The following HIVEP1 variants were observed in gnomAD, a reference collection of about 807,000 sequenced individuals.
HIVEP1 encodes the protein zinc finger protein 40.
A neutral mutation model predicts 180.0 loss-of-function variants in HIVEP1; 36 were observed. The ratio of observed to expected loss-of-function variants is 0.20; its 90% CI spans 0.15 to 0.26. HIVEP1 has a LOEUF of 0.26. Among genes scored for constraint, HIVEP1 ranks in the 10% least tolerant of loss-of-function variants. The probability of loss-of-function intolerance (pLI) is 1.00; values close to 1 mark genes in which losing one functional copy is unlikely to be tolerated. For missense variants in HIVEP1, 3,143 were observed against 3,268.7 expected (o/e 0.96, Z 0.94); for synonymous variants, 1,239 against 1,239.0 (o/e 1.00, Z 0.00).
chr6:12,187,592 TC>T, the HIVEP1 span, among the ~76,000 whole-genome samples: 2 of 110,658 alleles, frequency 1.8e-5, no homozygotes, highest in Non-Finnish European at 3.5e-5. Context: ...GCCAAATAAA[TC>T]TTTTTTTTTT....
the HIVEP1 span, among the ~76,000 whole-genome samples, chr6:12,184,469 T>C: frequency 6.6e-6 from 1 of 152,230 alleles, no homozygotes; most frequent in Non-Finnish European, 1.5e-5. Context: ...AAAAATGGTA[T>C]ATTTTGATCT....
Position 12,123,640 on chromosome 6 carries a change from A to G in HIVEP1, c.3845A>G (p.Lys1282Arg). The change falls in exon 4 of 9, where the codon AAA (lysine) becomes AGA (arginine). Residue 1282 changes from lysine to arginine, a missense_variant. By Grantham distance (26) the Lys-to-Arg change is conservative. Around this residue, in one of 12 missense-constraint regions of HIVEP1, gnomAD observed 1,357 missense variants for 1,260.5 expected, o/e 1.08. Transcript: ENST00000379388. ...ACAGAGAAACTGCCACCCAAAAAGAAAAGGCTCCGTCTGGCTGAGATAGAA... is the reference window on the plus strand; with the variant it reads ...ACAGAGAAACTGCCACCCAAAAAGAGAAGGCTCCGTCTGGCTGAGATAGAA... The part of the protein sequence containing the change: ...LPTEKLPPKK[K>R]RLRLAEIEHS... 1 of 1,614,126 alleles carries G rather than the reference A, an allele frequency of 6.2e-7. No homozygotes were observed. The highest frequency in any genetic ancestry group is 8.5e-7 in the Non-Finnish European group (1 of 1,180,036).
chr6:12,024,800 C>G (rs940778070), intron 2 of HIVEP1, among the ~76,000 whole-genome samples: 6 of 152,146 alleles, frequency 3.9e-5, no homozygotes, highest in African/African-American at 1.4e-4. Flanking sequence ...CAGGAGTGAA[C>G]CAAGGCTCTC....
At chr6:12,197,926 G>C in the HIVEP1 span, among the ~76,000 whole-genome samples, 1 of 152,336 alleles carries the variant, frequency 6.6e-6, no homozygotes, top group East Asian at 1.9e-4. Context: ...TAGAAATTTA[G>C]ATTTGGGGGT....
At chr6:12,066,901 C>A (rs546697055) in intron 2 of HIVEP1, among the ~76,000 whole-genome samples, 1 of 151,866 alleles carries the variant, frequency 6.6e-6, no homozygotes, top group African/African-American at 2.4e-5. Context: ...TATACACACA[C>A]ATACACTTTA....
chr6:12,164,120 G>T lies in HIVEP1; in HGVS notation c.7816G>T (p.Val2606Phe), dbSNP rs781226203. 1.9e-6 allele frequency: 3 copies of T among 1,614,152 alleles called. No homozygotes were observed. The South Asian group carries it at 3.3e-5, about 18-fold the overall frequency. ...CGAGTCTCCTCAGGGGTTACCTACA[G>T]TCCAGCGGGAAAATGCAAAAAAAGT... Reference protein sequence around the residue: ...RTESPQGLPTVQRENAKKVLN... With the variant: ...RTESPQGLPTFQRENAKKVLN... The change falls in exon 9 of 9, where the codon GTC becomes TTC. Residue 2606 changes from valine (V) to phenylalanine (F), a missense_variant. Physicochemically the swap from Val to Phe is conservative, Grantham distance 50. Coordinates refer to ENST00000379388, the MANE Select transcript of HIVEP1 (RefSeq NM_002114.4).
chr6:12,019,202 G>A (rs765318280), intron 2 of HIVEP1, among the ~76,000 whole-genome samples: 11 of 152,156 alleles, frequency 7.2e-5, no homozygotes, highest in Non-Finnish European at 1.5e-4. Flanking sequence ...ACTCAGCAGC[G>A]GGGGACGGGA....
At chr6:12,175,504 A>G in the HIVEP1 span, among the ~76,000 whole-genome samples, 1 of 152,382 alleles carries the variant, frequency 6.6e-6, no homozygotes, top group Non-Finnish European at 1.5e-5. Context: ...ATGCTTTCCA[A>G]TAGAACAGAT....
chr6:12,081,477 T>TAGCAGA (rs1242114857), intron 2 of HIVEP1, among the ~76,000 whole-genome samples: 3 of 152,154 alleles, frequency 2.0e-5, no homozygotes, highest in Non-Finnish European at 4.4e-5. Context: ...TCCTTTCCAC[T>TAGCAGA]AGCAGACTTT....
At chr6:12,141,691 CAAAAAAAAAAAA>C (rs60419579) in intron 7 of HIVEP1, among the ~76,000 whole-genome samples, 1,087 of 19,302 alleles carry the variant, frequency 0.056, 31 homozygotes, top group African/African-American at 0.093. Flanking sequence ...AAATGGAAAG[CAAAAAAAAAAAA>C]AAAAAAAAAA....
chr6:12,051,797 T>G (rs1770560848), intron 2 of HIVEP1, among the ~76,000 whole-genome samples: 1 of 152,214 alleles, frequency 6.6e-6, no homozygotes, highest in Non-Finnish European at 1.5e-5. Flanking sequence ...AAACGCTTAT[T>G]CACTGTGCTT....
chr6:12,011,294 TC>T (rs1767280944), upstream of HIVEP1, among the ~76,000 whole-genome samples: 4 of 89,964 alleles, frequency 4.4e-5, no homozygotes, highest in Non-Finnish European at 6.3e-5. Flanking sequence ...CGCCTCCCCC[TC>T]CCCCATTCTG....
intron 5 of HIVEP1, 132 bp from the exon 6 acceptor site, chr6:12,130,635 C>G: frequency 1.9e-6 from 1 of 524,336 alleles, no homozygotes. Flanking sequence ...TTCTGTTACA[C>G]ATGCATAAAA....
Position 12,123,922 on chromosome 6 carries a change from C to T in HIVEP1, c.4127C>T (p.Thr1376Met), listed in dbSNP as rs373574427. 1.1e-5 allele frequency: 18 copies of T among 1,613,990 alleles called. No individual in the cohort carries two copies. Among genetic ancestry groups the T allele is most frequent in the Middle Eastern group, 1.6e-4 (1 of 6,084 alleles). ...TASEQINCTQ[T>M]SMEVSDLRSK... ...TCAGAACAGATTAATTGCACGCAAA[C>T]GTCAATGGAGGTCTCTGATCTCAGA... The change falls in exon 4 of 9, where the codon ACG becomes ATG. Residue 1376 changes from threonine to methionine, a missense_variant. By Grantham distance (81) the Thr-to-Met change is moderately conservative (BLOSUM62 -1). This residue lies in a region of HIVEP1 where 1,357 missense variants were observed against 1,260.5 expected (regional missense o/e 1.08). Coordinates refer to ENST00000379388, the MANE Select transcript of HIVEP1 (RefSeq NM_002114.4).
intron 2 of HIVEP1, among the ~76,000 whole-genome samples, chr6:12,041,409 G>C (rs1317862980): frequency 2.6e-5 from 3 of 117,228 alleles, no homozygotes; most frequent in Non-Finnish European, 5.0e-5. Flanking sequence ...GCGACAGAGC[G>C]AGACTCCGTC....
intron 2 of HIVEP1, chr6:12,037,710 TC>T: frequency 7.4e-6 from 3 of 405,460 alleles, no homozygotes; most frequent in Admixed American, 4.4e-5. Context: ...TATTGTTTTT[TC>T]CTTTTTTTTT....
chr6:12,069,559 C>G (rs1367581077), intron 2 of HIVEP1, among the ~76,000 whole-genome samples: 1 of 118,164 alleles, frequency 8.5e-6, no homozygotes, highest in Admixed American at 1.2e-4. Context: ...ACATCACACT[C>G]TGGGGACTGT....
intron 2 of HIVEP1, among the ~76,000 whole-genome samples, chr6:12,074,643 T>TGTGTATGTGTGTGC (rs573970756): frequency 5.4e-5 from 8 of 148,148 alleles, no homozygotes; most frequent in African/African-American, 7.7e-5. Flanking sequence ...TGTGTGTGTG[T>TGTGTATGTGTGTGC]GCGCGCGCGT....
downstream of HIVEP1, among the ~76,000 whole-genome samples, chr6:12,168,240 T>TACAGATATACGTG (rs1562024802): frequency 7.8e-5 from 7 of 89,782 alleles, no homozygotes. Context: ...TACATATATA[T>TACAGATATACGTG]TATATATACA....
Sources: allele counts gnomAD v4.1 joint callset (sites outside exome capture counted in the v4.1 genomes callset), GRCh38; gene constraint gnomAD v4.1.1; regional missense constraint gnomAD v4.1.1; transcripts MANE v1.5; gene names NCBI Gene and HGNC (gene_info 2026-07-23, HGNC 2026-07-21).